Variants in KCNQ1OT1 observed in about 807,000 individuals in gnomAD.
The protein encoded by KCNQ1OT1 is KCNQ1 antisense RNA 2 (non-protein coding).
chr11:2,638,089 G>A (rs1252510172), exon 1 of KCNQ1OT1: 1 of 152,134 alleles, frequency 6.6e-6, no homozygotes, highest in Non-Finnish European at 1.5e-5. Flanking sequence ...CGTGAGATGG[G>A]TCTCCTGAAT....
chr11:2,661,965 GA>G lies in KCNQ1OT1; in HGVS notation n.38029del. Reference sequence around the variant, plus strand: ...GTCCCCACACTTTCTCCTCAGTAAGGAAGAGCCCAACACTGCTGGAAGTGAG... The same window carrying G: ...GTCCCCACACTTTCTCCTCAGTAAGGAGAGCCCAACACTGCTGGAAGTGAG... On this transcript the variant is annotated non_coding_transcript_exon_variant, in exon 1 of 1. Transcript: ENST00000597346. This position sits in a 1 kb window ranked among gnomAD's most constrained non-coding sequence, Gnocchi z 5.9. 1.2e-6 allele frequency: 2 copies of G among 1,614,182 alleles called. No homozygotes were observed. The highest frequency in any genetic ancestry group is 2.2e-5 in the South Asian group (2 of 91,086).
In KCNQ1OT1 at chr11:2,642,519, T is replaced by G. The variant is rs1036478177; in HGVS notation, n.57476A>C. The G allele has an allele frequency of 4.0e-5, 16 of 397,892 alleles. No individual in the cohort carries two copies. Among genetic ancestry groups the G allele is most frequent in the Non-Finnish European group, 5.3e-5 (12 of 225,694 alleles). The allele number at this position is 397,892 out of a possible 1,614,324, so 24.6% of individuals were successfully genotyped here. A position where few individuals can be genotyped will look rare whatever the true frequency, so the allele number is the denominator to read the frequency against. On this transcript the variant is annotated non_coding_transcript_exon_variant, in exon 1 of 1. Transcript: ENST00000597346. This position sits in a 1 kb window ranked among gnomAD's most constrained non-coding sequence, Gnocchi z 4.3. ...GTATTTCATGGTATGAGTTGTAATA[T>G]CCCCTTTTTCATTTTTGATTTTATT...
chr11:2,694,034 C>A, exon 1 of KCNQ1OT1: 1 of 398,712 alleles, frequency 2.5e-6, no homozygotes, highest in South Asian at 1.3e-4. Context: ...CACAGGTGCC[C>A]ATGCCATAGA....
exon 1 of KCNQ1OT1, chr11:2,648,777 A>G: frequency 2.5e-6 from 1 of 398,478 alleles, no homozygotes; most frequent in East Asian, 3.6e-5. Flanking sequence ...TTTCCATCCA[A>G]ATGAATTGTC....
exon 1 of KCNQ1OT1, chr11:2,629,385 T>C (rs934733545): frequency 2.5e-6 from 1 of 398,418 alleles, no homozygotes; most frequent in African/African-American, 2.1e-5. Context: ...TCATATTATA[T>C]CCAAATGAAG....
At position 2,624,295 on chromosome 11, in the gene KCNQ1OT1, G is replaced by A; in HGVS notation, n.75700C>T. The A allele has an allele frequency of 2.5e-6, 1 of 398,416 alleles. No homozygotes were observed. Among genetic ancestry groups the A allele is most frequent in the Non-Finnish European group, 4.4e-6 (1 of 225,994 alleles). The allele number at this position is 398,416 out of a possible 1,614,324, so 24.7% of individuals were successfully genotyped here. On this transcript the variant is annotated non_coding_transcript_exon_variant, in exon 1 of 1. Transcript: ENST00000597346. The surrounding 1 kb of genome is among the most constrained non-coding windows in gnomAD (Gnocchi z 4.9). Reference sequence around the variant, plus strand: ...GTTTTCTAATTGTTATGTTTTTAAGGTTCTTTATATATTTTGGATGAGTCC... The same window carrying A: ...GTTTTCTAATTGTTATGTTTTTAAGATTCTTTATATATTTTGGATGAGTCC...
exon 1 of KCNQ1OT1, chr11:2,638,607 A>G (rs1018647229): frequency 6.6e-6 from 1 of 151,850 alleles, no homozygotes; most frequent in Non-Finnish European, 1.5e-5. Context: ...TGCCCTTAAC[A>G]TTTTTTCCTT....
At chr11:2,662,498 C>T in exon 1 of KCNQ1OT1, 1 of 446,578 alleles carries the variant, frequency 2.2e-6, no homozygotes, top group Admixed American at 3.8e-5. Flanking sequence ...CTGCTGTCCT[C>T]AGGGGCTCCT....
chr11:2,623,021 T>G lies in KCNQ1OT1; in HGVS notation n.76974A>C. ...CTCATCTTGAACTGTAATCCCCATGTGTCAGGGGAGGGGCCTGGTGGGGGG... is the reference window on the plus strand; with the variant it reads ...CTCATCTTGAACTGTAATCCCCATGGGTCAGGGGAGGGGCCTGGTGGGGGG... On this transcript the variant is annotated non_coding_transcript_exon_variant, in exon 1 of 1. Coordinates refer to ENST00000597346, the Ensembl canonical transcript of KCNQ1OT1. The surrounding 1 kb of genome is among the most constrained non-coding windows in gnomAD (Gnocchi z 5.2). 1 of 398,672 alleles carries G rather than the reference T, an allele frequency of 2.5e-6. No homozygotes were observed. Among genetic ancestry groups the G allele is most frequent in the Non-Finnish European group, 4.4e-6 (1 of 226,136 alleles). The allele number at this position is 398,672 out of a possible 1,614,324, so 24.7% of individuals were successfully genotyped here.
chr11:2,685,472 A>G (rs1850471300), exon 1 of KCNQ1OT1: 1 of 398,800 alleles, frequency 2.5e-6, no homozygotes, highest in Non-Finnish European at 4.4e-6. Context: ...TGCAACTCCC[A>G]TCTCACAGGC....
rs1375828515 is a variant in KCNQ1OT1, at chr11:2,635,850, T to G, written n.64145A>C. ...TTCTTCCATTTGTTTGTATCCTCTT[T>G]TATTTTGTTCAGCAGTGGTTTGTAC... On this transcript the variant is annotated non_coding_transcript_exon_variant, in exon 1 of 1. Transcript: ENST00000597346. 4 of 152,236 alleles carry G rather than the reference T, an allele frequency of 2.6e-5. No homozygotes were observed. In the East Asian group the frequency reaches 7.7e-4, roughly 29 times the overall value. The allele number at this position is 152,236 out of a possible 1,614,324, so 9.4% of individuals were successfully genotyped here.
Position 2,690,653 on chromosome 11 carries a change from A to G in KCNQ1OT1, n.9342T>C. On this transcript the variant is annotated non_coding_transcript_exon_variant, in exon 1 of 1. Transcript: ENST00000597346. This position sits in a 1 kb window ranked among gnomAD's most constrained non-coding sequence, Gnocchi z 5.1. ...TGTCAGAATGCGTATTTGTCAGTGT[A>G]TGTGTGTCAGTGCACATAGGTATAG... 2 of 398,660 alleles carry G rather than the reference A, an allele frequency of 5.0e-6. No individual in the cohort carries two copies. The highest frequency in any genetic ancestry group is 3.6e-5 in the East Asian group (1 of 28,080). 24.7% of individuals were successfully genotyped at this position (398,660 alleles called of 1,614,324 possible).
At chr11:2,689,920 C>T (rs1850561328) in exon 1 of KCNQ1OT1, 2 of 398,726 alleles carry the variant, frequency 5.0e-6, no homozygotes. Context: ...ACTTCTGGTA[C>T]TCCCAGGCTG....
exon 1 of KCNQ1OT1, chr11:2,640,657 A>G: frequency 2.5e-6 from 1 of 397,970 alleles, no homozygotes; most frequent in Admixed American, 4.4e-5. Context: ...CAGGGTATCC[A>G]TCACCCTCAA....
rs1850585424 is a variant in KCNQ1OT1 at position 2,691,391 on chromosome 11, G to C, written n.8604C>G. On this transcript the variant is annotated non_coding_transcript_exon_variant, in exon 1 of 1. Coordinates refer to ENST00000597346, the Ensembl canonical transcript of KCNQ1OT1. The surrounding 1 kb of genome is among the most constrained non-coding windows in gnomAD (Gnocchi z 6.4). ...GCTCAGGCCTCTGGGTCTGGGCATA[G>C]AAGCCCAGGAACTGCTGTCTGTGGG... 4 of 398,554 alleles carry C rather than the reference G, an allele frequency of 1.0e-5. No homozygotes were observed. Among genetic ancestry groups the C allele is most frequent in the Non-Finnish European group, 1.3e-5 (3 of 226,106 alleles). The allele number at this position is 398,554 out of a possible 1,614,324, so 24.7% of individuals were successfully genotyped here. A position where few individuals can be genotyped will look rare whatever the true frequency, so the allele number is the denominator to read the frequency against.
exon 1 of KCNQ1OT1, chr11:2,649,007 CT>C: frequency 3.7e-6 from 1 of 270,812 alleles, no homozygotes; most frequent in Admixed American, 8.4e-5. Context: ...TTTTTTTTGA[CT>C]CAGTATTTTT....
exon 1 of KCNQ1OT1, chr11:2,638,850 C>G (rs1321803917): frequency 1.3e-5 from 2 of 152,200 alleles, no homozygotes; most frequent in Non-Finnish European, 2.9e-5. Flanking sequence ...TTCATGTACA[C>G]CAGTCAGATG....
At chr11:2,666,766 C>A in exon 1 of KCNQ1OT1, 1 of 398,760 alleles carries the variant, frequency 2.5e-6, no homozygotes, top group South Asian at 1.3e-4. Context: ...CTGTGAGTGT[C>A]TAAGCTCCTC....
chr11:2,652,089 G>C lies in KCNQ1OT1; in HGVS notation n.47906C>G, dbSNP rs908789717. ...TTTGAGAAGCTATGGGGAGCCTCTC[G>C]GCCCCAGTTCTGGCCTGGCTGGGAG... is the stretch of plus-strand genomic sequence containing the variant. On this transcript the variant is annotated non_coding_transcript_exon_variant, in exon 1 of 1. Transcript: ENST00000597346. This position sits in a 1 kb window ranked among gnomAD's most constrained non-coding sequence, Gnocchi z 5.9. 1 of 398,636 alleles carries C rather than the reference G, an allele frequency of 2.5e-6. No homozygotes were observed. Among genetic ancestry groups the C allele is most frequent in the Admixed American group, 4.4e-5 (1 of 22,740 alleles). The allele number at this position is 398,636 out of a possible 1,614,324, so 24.7% of individuals were successfully genotyped here.
Sources: allele counts gnomAD v4.1 joint callset, GRCh38; gene constraint gnomAD v4.1.1; non-coding constraint Gnocchi (gnomAD v3.1); transcripts MANE v1.5; gene names NCBI Gene and HGNC (gene_info 2026-07-23, HGNC 2026-07-21).